GJE1: variants seen among roughly 807,000 people sequenced by gnomAD.
The protein encoded by GJE1 is gap junction protein epsilon 1, also known as gap junction epsilon-1 protein.
A neutral mutation model predicts 6.2 loss-of-function variants in GJE1; 9 were observed. The observed-to-expected ratio is 1.45, with a 90% CI of 0.87 to 2.52. GJE1 has a LOEUF of 2.52. GJE1 is among the 30% of genes most tolerant of loss of function. The probability of loss-of-function intolerance (pLI) is 0.00; values close to 1 mark genes in which losing one functional copy is unlikely to be tolerated. For synonymous variants in GJE1, 65 were observed against 30.1 expected (o/e 2.16, Z -3.80); for missense variants, 190 against 87.7 (o/e 2.17, Z -4.66).
intron 1 of GJE1, among the ~76,000 whole-genome samples, chr6:142,133,490 C>T (rs144767447): frequency 3.3e-5 from 5 of 152,168 alleles, no homozygotes; most frequent in African/African-American, 4.8e-5. Flanking sequence ...AGATAGTGTA[C>T]GGACTGAGCT....
intron 1 of GJE1, 37 bp downstream of exon 1, chr6:142,133,234 T>C (rs956867579): frequency 3.2e-6 from 2 of 629,914 alleles, no homozygotes; most frequent in African/African-American, 3.6e-5. Context: ...ATTGTATGAG[T>C]CTTTTCTGAG....
chr6:142,135,259 A>G (rs906540098), downstream of GJE1: 1 of 156,236 alleles, frequency 6.4e-6, no homozygotes, highest in East Asian at 1.9e-4. Flanking sequence ...ATTGATGCTC[A>G]TGAGGGTTAA....
chr6:142,134,024 A>C (rs1778199268), exon 2 of GJE1: 1 of 687,222 alleles, frequency 1.5e-6, no homozygotes, highest in African/African-American at 1.8e-5. Flanking sequence ...CAGGCCAATC[A>C]CTCCACAAGT....
chr6:142,133,920 G>T (rs1170642848), exon 2 of GJE1: 1 of 702,204 alleles, frequency 1.4e-6, no homozygotes. Flanking sequence ...TTCTTCCTCG[G>T]GGTGCTAGGC....
chr6:142,134,816 T>C (rs772204196), exon 3 of GJE1: 2 of 672,274 alleles, frequency 3.0e-6, no homozygotes, highest in South Asian at 3.3e-5. Context: ...GAAAAAACCA[T>C]TTTTCTCATT....
intron 1 of GJE1, 99 bp downstream of exon 1, chr6:142,133,296 G>A: frequency 2.0e-6 from 1 of 489,720 alleles, no homozygotes; most frequent in Non-Finnish European, 3.7e-6. Flanking sequence ...CTACATCTAT[G>A]GAGAATACTG....
intron 2 of GJE1, 84 bp from the exon 3 acceptor site, chr6:142,134,455 T>C (rs1429221257): frequency 2.2e-6 from 1 of 459,198 alleles, no homozygotes; most frequent in Non-Finnish European, 3.8e-6. Context: ...TGTTGAGAGT[T>C]AGTGGGGTTT....
intron 1 of GJE1, among the ~76,000 whole-genome samples, 182 bp downstream of exon 1, chr6:142,133,379 T>C (rs1036861029): frequency 8.5e-5 from 13 of 152,162 alleles, no homozygotes; most frequent in East Asian, 1.9e-4. Context: ...GAAGTGTCTT[T>C]AGATGTTGGT....
chr6:142,134,905 T>A (rs546770529), exon 3 of GJE1: 2 of 569,914 alleles, frequency 3.5e-6, no homozygotes, highest in African/African-American at 3.8e-5. Flanking sequence ...AAGATTATAC[T>A]TTCCATTCAG....
At chr6:142,134,902 T>C (rs1209978602) in exon 3 of GJE1, 3 of 579,738 alleles carry the variant, frequency 5.2e-6, no homozygotes, top group Non-Finnish European at 9.1e-6. Context: ...TAGAAGATTA[T>C]ACTTTCCATT....
Position 142,134,527 on chromosome 6 carries a change from T to A in GJE1, c.235-12T>A, listed in dbSNP as rs1161003855. 1.2e-5 allele frequency: 6 copies of A among 500,688 alleles called. No individual in the cohort carries two copies. In the South Asian group the frequency reaches 2.2e-4, roughly 19 times the overall value. 31.0% of individuals were successfully genotyped at this position (500,688 alleles called of 1,614,324 possible). ...TTACTAAGATATTTCTGACATACTT[T>A]AGGTGTTCTAGGCATTACAACTAGT... On this transcript the variant is annotated splice_polypyrimidine_tract_variant and intron_variant, in intron 2 of 2. Transcript: ENST00000450456.
At chr6:142,133,166 T>C (rs1778175438) in exon 1 of GJE1, 2 of 684,286 alleles carry the variant, frequency 2.9e-6, no homozygotes, top group South Asian at 3.1e-5. Context: ...GACATGTCTC[T>C]AAATTACATC....
chr6:142,133,372 G>A (rs1490259629), intron 1 of GJE1, among the ~76,000 whole-genome samples, 175 bp downstream of exon 1: 1 of 152,114 alleles, frequency 6.6e-6, no homozygotes, highest in Non-Finnish European at 1.5e-5. Flanking sequence ...AATTCAGGAA[G>A]TGTCTTTAGA....
At chr6:142,133,315 C>T (rs1342979789) in intron 1 of GJE1, 118 bp downstream of exon 1, 9 of 424,498 alleles carry the variant, frequency 2.1e-5, no homozygotes, top group African/African-American at 4.1e-5. Context: ...TGTTAAGTGT[C>T]AACCATATAC....
chr6:142,133,986 A>G (rs1257154851), exon 2 of GJE1: 1 of 702,522 alleles, frequency 1.4e-6, no homozygotes, highest in Non-Finnish European at 2.6e-6. Flanking sequence ...GACAAAAGAG[A>G]AGTAAACCTC....
At chr6:142,134,205 G>T (rs1015674562) in intron 2 of GJE1, among the ~76,000 whole-genome samples, 161 bp downstream of exon 2, 7 of 152,072 alleles carry the variant, frequency 4.6e-5, no homozygotes, top group Non-Finnish European at 8.8e-5. Context: ...GTTTTGGGGA[G>T]TTTCTTCCAA....
downstream of GJE1, chr6:142,135,202 T>G (rs1778229846): frequency 5.6e-6 from 1 of 176,998 alleles, no homozygotes; most frequent in African/African-American, 2.3e-5. Flanking sequence ...TGATCAGTTT[T>G]TCTGTGGCCA....
chr6:142,135,079 G>T, exon 3 of GJE1: 1 of 370,232 alleles, frequency 2.7e-6, no homozygotes, highest in Non-Finnish European at 4.8e-6. Flanking sequence ...AAGGATTCTT[G>T]AAGAAATATT....
At chr6:142,134,544 A>G in exon 3 of GJE1, 1 of 552,750 alleles carries the variant, frequency 1.8e-6, no homozygotes, top group African/African-American at 1.9e-5. Flanking sequence ...TCTAGGCATT[A>G]CAACTAGTTA....
Sources: allele counts gnomAD v4.1 joint callset (sites outside exome capture counted in the v4.1 genomes callset), GRCh38; gene constraint gnomAD v4.1.1; transcripts MANE v1.5; gene names NCBI Gene and HGNC (gene_info 2026-07-23, HGNC 2026-07-21).